SOBP: variants seen among roughly 807,000 people sequenced by gnomAD.
SOBP encodes the protein sine oculis-binding protein homolog.
A neutral mutation model predicts 53.6 loss-of-function variants in SOBP; 4 were observed. The observed-to-expected ratio is 0.07, with a 90% CI of 0.04 to 0.17. The LOEUF is 0.17. Among genes scored for constraint, SOBP ranks in the 10% least tolerant of loss-of-function variants. The pLI is 1.00. For synonymous variants in SOBP, 584 were observed against 522.6 expected, an observed-to-expected ratio of 1.12 and a Z score of -1.60; for missense variants, 1,088 against 1,204.7, an observed-to-expected ratio of 0.90 and a Z score of 1.43.
intron 4 of SOBP, among the ~76,000 whole-genome samples, chr6:107,568,798 T>G (rs748318476): frequency 5.3e-5 from 8 of 152,224 alleles, no homozygotes; most frequent in Non-Finnish European, 1.0e-4. Flanking sequence ...TCTTGGTTTC[T>G]TCATTTTTGA....
chr6:107,541,966 A>C (rs1784160287), intron 4 of SOBP, among the ~76,000 whole-genome samples: 1 of 152,180 alleles, frequency 6.6e-6, no homozygotes, highest in African/African-American at 2.4e-5. Flanking sequence ...TCTTTAAAAA[A>C]TAAAATAAAA....
At chr6:107,643,175 A>G (rs1225299534) in intron 6 of SOBP, among the ~76,000 whole-genome samples, 1 of 152,214 alleles carries the variant, frequency 6.6e-6, no homozygotes, top group Non-Finnish European at 1.5e-5. Context: ...ATCTTTTTCT[A>G]AAGAAATCTA....
chr6:107,654,711 A>G (rs201069569), intron 6 of SOBP, among the ~76,000 whole-genome samples: 6 of 82,516 alleles, frequency 7.3e-5, no homozygotes, highest in Admixed American at 3.5e-4. Flanking sequence ...TGGCTGAGGA[A>G]CACAGTGGAA....
At chr6:107,533,307 A>AAG (rs1173985012) in intron 3 of SOBP, 152 bp from the exon 4 acceptor site, 427 of 442,144 alleles carry the variant, frequency 9.7e-4, no homozygotes, top group Admixed American at 1.4e-3. Flanking sequence ...GAGAGAGAGA[A>AAG]AGAGAGAGAG....
chr6:107,550,498 A>G (rs751274922), intron 4 of SOBP, among the ~76,000 whole-genome samples: 5 of 152,204 alleles, frequency 3.3e-5, no homozygotes, highest in Non-Finnish European at 5.9e-5. Context: ...GGGGATACAA[A>G]GATAAATAAA....
chr6:107,619,217 C>T (rs1786913536), intron 5 of SOBP, among the ~76,000 whole-genome samples: 1 of 152,100 alleles, frequency 6.6e-6, no homozygotes, highest in South Asian at 2.1e-4. Context: ...CAAAAGAAAG[C>T]TTTAATTAAA....
In SOBP at chr6:107,547,391, A is replaced by G. The variant is rs533672955; in HGVS notation, c.573+13781A>G. Among the ~76,000 whole-genome samples, 4 of 152,354 alleles carry G rather than the reference A, an allele frequency of 2.6e-5. No individual in the cohort carries two copies. In the South Asian group the frequency reaches 6.2e-4, roughly 24 times the overall value. ...AAGACAATTTTTAAAAGCAGACAAAAGTACGTCAAACAATATGCTGATAAT... is the reference window on the plus strand; with the variant it reads ...AAGACAATTTTTAAAAGCAGACAAAGGTACGTCAAACAATATGCTGATAAT... On this transcript the variant is annotated intron_variant, in intron 4 of 6. Coordinates refer to ENST00000317357, the MANE Select transcript of SOBP (RefSeq NM_018013.4).
intron 5 of SOBP, among the ~76,000 whole-genome samples, chr6:107,628,381 TG>T (rs2115132392): frequency 6.6e-6 from 1 of 152,120 alleles, no homozygotes; most frequent in Non-Finnish European, 1.5e-5. Context: ...GGGAGCAAGG[TG>T]GGGGCTGGTA....
chr6:107,650,528 T>C (rs573471973), intron 6 of SOBP, among the ~76,000 whole-genome samples: 1 of 152,348 alleles, frequency 6.6e-6, no homozygotes, highest in East Asian at 1.9e-4. Flanking sequence ...GTTTCAAACA[T>C]TTTCATTATC....
At chr6:107,567,029 G>C (rs1041151090) in intron 4 of SOBP, among the ~76,000 whole-genome samples, 1 of 152,206 alleles carries the variant, frequency 6.6e-6, no homozygotes, top group Non-Finnish European at 1.5e-5. Flanking sequence ...GTGTAACATT[G>C]AAGTCCATTA....
intron 6 of SOBP, among the ~76,000 whole-genome samples, chr6:107,649,839 G>T (rs879921398): frequency 7.2e-5 from 11 of 152,226 alleles, no homozygotes; most frequent in Admixed American, 7.2e-4. Context: ...TGAAGATAAG[G>T]ACTTACTTAA....
intron 3 of SOBP, among the ~76,000 whole-genome samples, 152 bp from the exon 4 acceptor site, chr6:107,533,297 GAGAGAGAGAA>G (rs1216553434): frequency 4.2e-5 from 4 of 96,110 alleles, no homozygotes; most frequent in African/African-American, 7.4e-5. Context: ...AAAAAAAAAA[GAGAGAGAGAA>G]AGAGAGAGAG....
chr6:107,548,254 T>C (rs996660017), intron 4 of SOBP, among the ~76,000 whole-genome samples: 13 of 150,160 alleles, frequency 8.7e-5, no homozygotes, highest in Non-Finnish European at 1.3e-4. Context: ...TCTGTTTTCT[T>C]TTTGTTTTTT....
chr6:107,490,851 C>T, intron 1 of SOBP, 139 bp downstream of exon 1: 2 of 687,716 alleles, frequency 2.9e-6, no homozygotes, highest in South Asian at 3.2e-5. Flanking sequence ...CGCTCCTCCT[C>T]CAGGTGTAAA....
chr6:107,632,615 G>C (rs1300538754), intron 5 of SOBP, among the ~76,000 whole-genome samples: 4 of 152,148 alleles, frequency 2.6e-5, no homozygotes, highest in Non-Finnish European at 4.4e-5. Context: ...CAAAGTAATG[G>C]GTTCTGAAGC....
chr6:107,549,180 T>C (rs1784392434), intron 4 of SOBP, among the ~76,000 whole-genome samples: 3 of 151,912 alleles, frequency 2.0e-5, no homozygotes, highest in African/African-American at 7.3e-5. Flanking sequence ...GGCAGGAGAA[T>C]GGCATGAACC....
intron 5 of SOBP, among the ~76,000 whole-genome samples, chr6:107,604,016 C>T (rs1294243904): frequency 6.6e-6 from 1 of 152,130 alleles, no homozygotes; most frequent in South Asian, 2.1e-4. Flanking sequence ...ACCATATGTC[C>T]CAAGATTTGC....
intron 4 of SOBP, among the ~76,000 whole-genome samples, chr6:107,579,586 C>A (rs1785340709): frequency 6.6e-6 from 1 of 152,124 alleles, no homozygotes; most frequent in Non-Finnish European, 1.5e-5. Context: ...CCATAACTGT[C>A]ACGCAATCCA....
At chr6:107,518,038 A>G (rs1038242671) in intron 3 of SOBP, among the ~76,000 whole-genome samples, 13 of 152,214 alleles carry the variant, frequency 8.5e-5, no homozygotes, top group Admixed American at 3.3e-4. Flanking sequence ...AAAAAAAGAA[A>G]AAATCTTTCC....
Sources: allele counts gnomAD v4.1 joint callset (sites outside exome capture counted in the v4.1 genomes callset), GRCh38; gene constraint gnomAD v4.1.1; transcripts MANE v1.5; gene names NCBI Gene and HGNC (gene_info 2026-07-23, HGNC 2026-07-21).